COL4A6: variants seen among roughly 807,000 people sequenced by gnomAD.
COL4A6 encodes collagen type IV alpha 6 chain.
In COL4A6, 59 loss-of-function variants were observed where a neutral mutation model predicts 126.7. The ratio of observed to expected loss-of-function variants is 0.47; its 90% CI spans 0.38 to 0.58. The LOEUF (loss-of-function observed/expected upper bound fraction) is 0.58, where lower values mean the gene tolerates loss of function less well. Ranked by LOEUF, COL4A6 falls within the 20% of genes least tolerant of loss-of-function variation. The pLI is 0.00. For synonymous variants in COL4A6, 547 were observed against 496.6 expected (o/e 1.10, Z -1.35); for missense variants, 1,285 against 1,337.3 (o/e 0.96, Z 0.61).
Position 108,179,890 on chromosome X carries a change from C to T in COL4A6, c.2132-452G>A, listed in dbSNP as rs12687958. 2.4e-3 allele frequency among the ~76,000 whole-genome samples: 255 copies of T among 107,957 alleles called. No individual in the cohort carries two copies. The East Asian group carries it at 0.05, about 21-fold the overall frequency. 93.7% of individuals were successfully genotyped at this position (107,957 alleles called of 115,157 possible). ...GCAGTTCTCAAATCTGAGCAAGCAT[C>T]ACAATCACCTGGGGTAACAAGCAGA... is the stretch of plus-strand genomic sequence containing the variant. On this transcript the variant is annotated intron_variant, in intron 25 of 44. Coordinates refer to ENST00000334504, the MANE Select transcript of COL4A6 (RefSeq NM_033641.4).
At chrX:108,210,534 T>C (rs2035672688) in intron 7 of COL4A6, among the ~76,000 whole-genome samples, 1 of 112,711 alleles carries the variant, frequency 8.9e-6, no homozygotes, top group Non-Finnish European at 1.9e-5. Flanking sequence ...AATTGTTGTG[T>C]TCCACTGGAT....
intron 3 of COL4A6, among the ~76,000 whole-genome samples, chrX:108,261,617 A>C (rs1419518186): frequency 9.0e-6 from 1 of 111,203 alleles, no homozygotes; most frequent in East Asian, 2.8e-4. Context: ...GTCACCTCTC[A>C]CCAGTATCAG....
At chrX:108,420,702 C>A (rs1323890217) in intron 2 of COL4A6, among the ~76,000 whole-genome samples, 1 of 111,938 alleles carries the variant, frequency 8.9e-6, no homozygotes, top group Non-Finnish European at 1.9e-5. Flanking sequence ...CAGGACAGGG[C>A]AGCCTCAGGG....
At chrX:108,199,929 C>T (rs1485617959) in intron 13 of COL4A6, among the ~76,000 whole-genome samples, 3 of 111,928 alleles carry the variant, frequency 2.7e-5, no homozygotes, top group African/African-American at 9.7e-5. Context: ...GAATTTCAAT[C>T]TCAGCTCTGC....
At chrX:108,353,052 C>T (rs755475892) in intron 2 of COL4A6, among the ~76,000 whole-genome samples, 3 of 112,007 alleles carry the variant, frequency 2.7e-5, no homozygotes, top group South Asian at 7.5e-4. Flanking sequence ...GTGAAGGCAA[C>T]GCCAGCGTGG....
intron 3 of COL4A6, among the ~76,000 whole-genome samples, chrX:108,292,679 A>T (rs1403050844): frequency 9.0e-6 from 1 of 111,223 alleles, no homozygotes; most frequent in Non-Finnish European, 1.9e-5. Context: ...TGTGTACAAC[A>T]GCAAGAGAAA....
At chrX:108,417,698 G>A (rs1213609043) in intron 2 of COL4A6, among the ~76,000 whole-genome samples, 2 of 111,699 alleles carry the variant, frequency 1.8e-5, no homozygotes, top group Non-Finnish European at 3.8e-5. Flanking sequence ...AGAGAATATT[G>A]TTTTACTTAC....
chrX:108,414,472 A>C (rs1195221482), intron 2 of COL4A6, among the ~76,000 whole-genome samples: 1 of 110,916 alleles, frequency 9.0e-6, no homozygotes, highest in African/African-American at 3.3e-5. Context: ...TCTTCTCTCC[A>C]AGAAAATAAA....
At chrX:108,300,366 C>CTG (rs3039370) in intron 3 of COL4A6, among the ~76,000 whole-genome samples, 2,244 of 98,103 alleles carry the variant, frequency 0.023, 25 homozygotes, top group Middle Eastern at 0.036. Flanking sequence ...CTCTCTCTCT[C>CTG]TGTGTGTGTG....
At chrX:108,355,301 C>T (rs1206187937) in intron 2 of COL4A6, among the ~76,000 whole-genome samples, 2 of 112,246 alleles carry the variant, frequency 1.8e-5, no homozygotes, top group Non-Finnish European at 3.8e-5. Flanking sequence ...CAAAAATGTA[C>T]AAGAAGTTTC....
Position 108,169,517 on chromosome X carries a change from C to T in COL4A6, c.3669G>A (p.Leu1223=), listed in dbSNP as rs762134165. 1.7e-6 allele frequency: 2 copies of T among 1,211,808 alleles called. No individual in the cohort carries two copies. The highest frequency in any genetic ancestry group is 2.2e-6 in the Non-Finnish European group (2 of 895,529). ...IGIGAPGKPG[L]RGQKGDRGFP... is the part of the protein sequence containing the mutation. ...CACCTCGATCACCTTTTTGCCCTCT[C>T]AGGCCCGGCTTCCCTGGAGCTCCGA... The change falls in exon 37 of 45, where the codon CTG becomes CTA. Residue 1223 remains leucine (L), a synonymous_variant. Coordinates refer to ENST00000334504, the MANE Select transcript of COL4A6 (RefSeq NM_033641.4).
intron 3 of COL4A6, among the ~76,000 whole-genome samples, chrX:108,292,993 C>CAAAAAAAAAAAA (rs149076547): frequency 2.7e-4 from 4 of 14,555 alleles, no homozygotes; most frequent in African/African-American, 4.4e-4. Context: ...AGGAAAAAAG[C>CAAAAAAAAAAAA]AAAAAAAAAA....
At chrX:108,300,007 A>G (rs993753732) in intron 3 of COL4A6, among the ~76,000 whole-genome samples, 2 of 112,021 alleles carry the variant, frequency 1.8e-5, no homozygotes, top group Non-Finnish European at 3.8e-5. Context: ...GTCAGGTAGG[A>G]AACAGATGCT....
chrX:108,321,722 A>G (rs1321819973), intron 2 of COL4A6, among the ~76,000 whole-genome samples: 1 of 110,836 alleles, frequency 9.0e-6, no homozygotes, highest in South Asian at 3.9e-4. Flanking sequence ...TATATATATA[A>G]TCTTCATTCC....
At chrX:108,350,233 T>C (rs777533057) in intron 2 of COL4A6, among the ~76,000 whole-genome samples, 5 of 112,003 alleles carry the variant, frequency 4.5e-5, no homozygotes, top group Non-Finnish European at 5.6e-5. Flanking sequence ...GTGGCTAAAT[T>C]CAATAATTTT....
At chrX:108,318,449 C>T (rs1317861597) in intron 2 of COL4A6, among the ~76,000 whole-genome samples, 9 of 110,486 alleles carry the variant, frequency 8.1e-5, no homozygotes, top group East Asian at 2.8e-4. Flanking sequence ...TGTTTGCAGA[C>T]GACATGATTG....
intron 3 of COL4A6, among the ~76,000 whole-genome samples, chrX:108,245,338 A>G (rs2036688775): frequency 8.9e-6 from 1 of 111,909 alleles, no homozygotes; most frequent in Non-Finnish European, 1.9e-5. Flanking sequence ...TGGTGCACTG[A>G]GCAGAGGGAG....
intron 3 of COL4A6, among the ~76,000 whole-genome samples, chrX:108,300,083 T>C (rs1374480788): frequency 9.0e-6 from 1 of 110,796 alleles, no homozygotes; most frequent in African/African-American, 3.3e-5. Context: ...GCTTTTAACA[T>C]CCCACAGAGA....
chrX:108,387,566 G>C (rs1048332107), intron 2 of COL4A6, among the ~76,000 whole-genome samples: 1 of 111,933 alleles, frequency 8.9e-6, no homozygotes, highest in African/African-American at 3.2e-5. Context: ...CATTGATTTT[G>C]TATCCTGAGA....
Sources: gnomAD v4.1 joint callset for allele counts (sites outside exome capture counted in the v4.1 genomes callset) on GRCh38, gnomAD v4.1.1 for gene constraint, MANE v1.5 for transcripts, NCBI Gene and HGNC (gene_info 2026-07-23, HGNC 2026-07-21) for gene names.